Variants in ARHGAP39 observed in about 807,000 individuals in gnomAD.
ARHGAP39 encodes Rho GTPase activating protein 39, also known as rho GTPase-activating protein 39.
ARHGAP39 carries 44 observed loss-of-function variants against 106.9 expected under a neutral mutation model. The observed-to-expected ratio is 0.41, with a 90% CI of 0.32 to 0.53. ARHGAP39 has a LOEUF of 0.53. Among genes scored for constraint, ARHGAP39 ranks in the 20% least tolerant of loss-of-function variants. ARHGAP39 has a pLI of 0.21. For missense variants in ARHGAP39, 1,496 were observed against 1,577.3 expected (o/e 0.95, Z 0.87); for synonymous variants, 768 against 693.2 (o/e 1.11, Z -1.69).
chr8:144,619,314 AGC>A (rs1453473483), intron 1 of ARHGAP39, among the ~76,000 whole-genome samples: 1 of 152,238 alleles, frequency 6.6e-6, no homozygotes, highest in Non-Finnish European at 1.5e-5. Flanking sequence ...CGCTCCGAGA[AGC>A]GCGGGTCCCC....
At chr8:144,562,134 T>C (rs947815863) in intron 3 of ARHGAP39, among the ~76,000 whole-genome samples, 2 of 147,622 alleles carry the variant, frequency 1.4e-5, no homozygotes, top group African/African-American at 5.1e-5. Context: ...GTGGTTTCCA[T>C]CGGACTTACT....
intron 1 of ARHGAP39, among the ~76,000 whole-genome samples, chr8:144,634,001 GAC>G (rs1821128390): frequency 6.6e-6 from 1 of 152,254 alleles, no homozygotes; most frequent in Non-Finnish European, 1.5e-5. Flanking sequence ...TAACGGGAAA[GAC>G]AAACCAAATA....
chr8:144,541,760 T>A (rs1384815333), intron 6 of ARHGAP39, among the ~76,000 whole-genome samples: 1 of 152,228 alleles, frequency 6.6e-6, no homozygotes, highest in African/African-American at 2.4e-5. Context: ...TCCATTCAGC[T>A]GCTGATGGAT....
In ARHGAP39 at chr8:144,545,353, T is replaced by C; in HGVS notation, c.2417A>G (p.Glu806Gly). 1 of 1,598,118 alleles carries C rather than the reference T, an allele frequency of 6.3e-7. No homozygotes were observed. ...FRLESLARGW[E>G]LMAICLAFFP... ...AAAGGCCAGGCAGATGGCCATGAGCTCCCAGCCGCGGGCCAGGCTCTCCAG... is the reference window on the plus strand; with the variant it reads ...AAAGGCCAGGCAGATGGCCATGAGCCCCCAGCCGCGGGCCAGGCTCTCCAG... The change falls in exon 6 of 12, where the codon GAG (glutamate) becomes GGG (glycine). Residue 806 changes from glutamate (E) to glycine (G), a missense_variant. This residue lies in a region of ARHGAP39 where 470 missense variants were observed against 605.1 expected (regional missense o/e 0.78). Coordinates refer to ENST00000377307, the MANE Select transcript of ARHGAP39 (RefSeq NM_025251.3).
At chr8:144,537,606 A>C in intron 7 of ARHGAP39, 115 bp downstream of exon 7, 2 of 894,902 alleles carry the variant, frequency 2.2e-6, no homozygotes, top group Non-Finnish European at 3.5e-6. Flanking sequence ...GCCTGAGGTT[A>C]GTGGCCCCAT....
At chr8:144,587,168 A>G (rs1461449997) in intron 2 of ARHGAP39, among the ~76,000 whole-genome samples, 1 of 152,232 alleles carries the variant, frequency 6.6e-6, no homozygotes, top group African/African-American at 2.4e-5. Context: ...TAAGTCAATT[A>G]AACCTCTTTT....
At chr8:144,546,621 G>A (rs1817433653) in intron 5 of ARHGAP39, among the ~76,000 whole-genome samples, 1 of 152,240 alleles carries the variant, frequency 6.6e-6, no homozygotes, top group African/African-American at 2.4e-5. Flanking sequence ...CCAGGAGCCA[G>A]ATGGGGAACG....
chr8:144,666,797 G>A (rs1821976542), intron 1 of ARHGAP39, among the ~76,000 whole-genome samples: 1 of 152,128 alleles, frequency 6.6e-6, no homozygotes, highest in South Asian at 2.1e-4. Context: ...GGCGATCAGT[G>A]CTGGACAACA....
intron 1 of ARHGAP39, among the ~76,000 whole-genome samples, chr8:144,668,166 G>A (rs1822010939): frequency 6.6e-6 from 1 of 152,108 alleles, no homozygotes; most frequent in South Asian, 2.1e-4. Flanking sequence ...TTAAGGCCAG[G>A]TGCAGTGGCT....
At chr8:144,666,459 T>C (rs181285567) in intron 1 of ARHGAP39, among the ~76,000 whole-genome samples, 4 of 152,140 alleles carry the variant, frequency 2.6e-5, no homozygotes, top group African/African-American at 9.7e-5. Context: ...TAAATCTCAA[T>C]GTGAATTGTA....
rs1044826231 is a variant in ARHGAP39 at position 144,582,427 on chromosome 8, G to A, written c.81-1150C>T. 9.8e-5 allele frequency among the ~76,000 whole-genome samples: 15 copies of A among 152,334 alleles called. No homozygotes were observed. The South Asian group carries it at 1.0e-3, about 11-fold the overall frequency. On this transcript the variant is annotated intron_variant, in intron 2 of 11. Coordinates refer to ENST00000377307, the MANE Select transcript of ARHGAP39 (RefSeq NM_025251.3). Reference sequence around the variant, plus strand: ...CCCCCAGAGGCCAGCTGGGGAAGCCGGGCCCTCACACAGTGGCGGCGGCCC... The same window carrying A: ...CCCCCAGAGGCCAGCTGGGGAAGCCAGGCCCTCACACAGTGGCGGCGGCCC...
intron 3 of ARHGAP39, among the ~76,000 whole-genome samples, chr8:144,564,428 CAGA>C (rs1818316369): frequency 6.6e-6 from 1 of 152,114 alleles, no homozygotes; most frequent in Non-Finnish European, 1.5e-5. Flanking sequence ...TCTTGCTCCT[CAGA>C]ATGCACTGAA....
intron 2 of ARHGAP39, among the ~76,000 whole-genome samples, chr8:144,588,832 C>T (rs1359173751): frequency 2.0e-5 from 3 of 152,242 alleles, no homozygotes; most frequent in Admixed American, 6.5e-5. Context: ...AGCAGCACGC[C>T]GCCTCTGTGG....
upstream of ARHGAP39, among the ~76,000 whole-genome samples, chr8:144,686,537 C>A (rs1163604256): frequency 6.6e-6 from 1 of 152,214 alleles, no homozygotes; most frequent in Non-Finnish European, 1.5e-5. Context: ...CCTGGACATT[C>A]CCTGGGTCCT....
At chr8:144,659,040 T>C (rs1821763081) in intron 1 of ARHGAP39, among the ~76,000 whole-genome samples, 1 of 152,120 alleles carries the variant, frequency 6.6e-6, no homozygotes, top group African/African-American at 2.4e-5. Flanking sequence ...AATAGCCCCA[T>C]TGTCTTTCTG....
At chr8:144,675,745 G>T (rs1369607921) in intron 1 of ARHGAP39, among the ~76,000 whole-genome samples, 8 of 151,934 alleles carry the variant, frequency 5.3e-5, no homozygotes, top group African/African-American at 1.9e-4. Context: ...GTCTGGAGTT[G>T]TTCATTCCTT....
At chr8:144,571,252 G>A (rs181460047) in intron 3 of ARHGAP39, among the ~76,000 whole-genome samples, 18 of 152,204 alleles carry the variant, frequency 1.2e-4, no homozygotes, top group South Asian at 2.1e-4. Context: ...CTGGCAAACC[G>A]AATCCACCAC....
At chr8:144,610,378 C>T (rs1050800908) in intron 1 of ARHGAP39, among the ~76,000 whole-genome samples, 3 of 151,898 alleles carry the variant, frequency 2.0e-5, no homozygotes, top group African/African-American at 7.3e-5. Context: ...TTTCTAATTT[C>T]CTAAGCTAGA....
rs554174279 is a variant in ARHGAP39 at position 144,537,705 on chromosome 8, C to T, written c.2614+16G>A. Reference sequence around the variant, plus strand: ...GTGCAGACGCCGCGCCCAGGGGCTGCGGGGAGAGGCCCTACCATCCGGCTC... The same window carrying T: ...GTGCAGACGCCGCGCCCAGGGGCTGTGGGGAGAGGCCCTACCATCCGGCTC... On this transcript the variant is annotated intron_variant, in intron 7 of 11. Coordinates refer to ENST00000377307, the MANE Select transcript of ARHGAP39 (RefSeq NM_025251.3). 8 of 1,611,778 alleles carry T rather than the reference C, an allele frequency of 5.0e-6. No homozygotes were observed. The highest frequency in any genetic ancestry group is 4.0e-5 in the African/African-American group (3 of 74,956).
Sources: gnomAD v4.1 joint callset for allele counts (sites outside exome capture counted in the v4.1 genomes callset) on GRCh38, gnomAD v4.1.1 for gene constraint, gnomAD v4.1.1 regional missense constraint, MANE v1.5 for transcripts, NCBI Gene and HGNC (gene_info 2026-07-23, HGNC 2026-07-21) for gene names.